ABCD3: variants seen among roughly 807,000 people sequenced by gnomAD.
ABCD3 encodes ATP-binding cassette sub-family D member 3.
In ABCD3, 41 loss-of-function variants were observed where a neutral mutation model predicts 105.5. The ratio of observed to expected loss-of-function variants is 0.39; its 90% CI spans 0.30 to 0.50. The LOEUF (loss-of-function observed/expected upper bound fraction) is 0.50, where lower values mean the gene tolerates loss of function less well. Ranked by LOEUF, ABCD3 falls within the 20% of genes least tolerant of loss-of-function variation. The probability of loss-of-function intolerance (pLI) is 0.84; values close to 1 mark genes in which losing one functional copy is unlikely to be tolerated. For missense variants in ABCD3, 622 were observed against 806.3 expected (o/e 0.77, Z 2.77); for synonymous variants, 258 against 269.0 (o/e 0.96, Z 0.40).
intron 8 of ABCD3, 117 bp from the exon 9 acceptor site, chr1:94,480,347 T>C (rs1448355020): frequency 1.9e-5 from 24 of 1,294,636 alleles, no homozygotes; most frequent in Non-Finnish European, 2.5e-5. Context: ...AATTACCCAG[T>C]AGGGCAATTT....
At chr1:94,397,166 C>T in the ABCD3 span, among the ~76,000 whole-genome samples, 1 of 152,166 alleles carries the variant, frequency 6.6e-6, no homozygotes, top group Non-Finnish European at 1.5e-5. Flanking sequence ...GCAGATAGTA[C>T]AGAGAATCCT....
At chr1:94,482,672 G>A (rs755347399) in intron 9 of ABCD3, 22 of 164,654 alleles carry the variant, frequency 1.3e-4, no homozygotes, top group South Asian at 3.2e-4. Flanking sequence ...GGGGTTCCAG[G>A]GTTTCCTCCT....
intron 21 of ABCD3, among the ~76,000 whole-genome samples, chr1:94,508,463 T>G (rs1650476482): frequency 6.6e-6 from 1 of 151,928 alleles, no homozygotes; most frequent in Non-Finnish European, 1.5e-5. Flanking sequence ...TAGGATTGAC[T>G]TGGCGATGCG....
At chr1:94,490,011 G>A (rs1424190804) in intron 15 of ABCD3, 36 bp downstream of exon 15, 2 of 1,562,166 alleles carry the variant, frequency 1.3e-6, no homozygotes, top group South Asian at 1.1e-5. Flanking sequence ...CACCATAAAT[G>A]TTTGTTAAAC....
At position 94,494,868 on chromosome 1, in the gene ABCD3, C is replaced by T. The variant is rs189983858; in HGVS notation, c.1386+3621C>T. ...CCAAGGTGGGCGGATTGCTTGAGCT[C>T]AGGAGTTTGAGGCCAGCCTGGGCAA... On this transcript the variant is annotated intron_variant, in intron 16 of 22. Transcript: ENST00000370214. 2.5e-4 allele frequency among the ~76,000 whole-genome samples: 38 copies of T among 152,172 alleles called. No homozygotes were observed. In the East Asian group the frequency reaches 6.8e-3, roughly 27 times the overall value.
chr1:94,448,242 A>C (rs1021732740), intron 1 of ABCD3, among the ~76,000 whole-genome samples: 1 of 152,202 alleles, frequency 6.6e-6, no homozygotes, highest in Non-Finnish European at 1.5e-5. Context: ...CATGGATATG[A>C]TCCTGGAAAA....
In ABCD3 at chr1:94,476,798, A is replaced by C. The variant is rs3737244; in HGVS notation, c.627+1061A>C. On this transcript the variant is annotated intron_variant, in intron 7 of 22. Coordinates refer to ENST00000370214, the MANE Select transcript of ABCD3 (RefSeq NM_002858.4). ...AGAAGCCTTTGCTAACTGATCCCAA[A>C]CTCGGGAACTCTGACAACTACAAAT... is the stretch of plus-strand genomic sequence containing the variant. Among the ~76,000 whole-genome samples, 4 of 151,942 alleles carry C rather than the reference A, an allele frequency of 2.6e-5. No individual in the cohort carries two copies. The East Asian group carries it at 7.8e-4, about 29-fold the overall frequency.
rs575184764 is a variant in ABCD3 at position 94,418,438 on chromosome 1, C to G, written c.-41C>G. On this transcript the variant is annotated 5_prime_UTR_variant, in exon 1 of 23. Coordinates refer to ENST00000370214, the MANE Select transcript of ABCD3 (RefSeq NM_002858.4). Reference sequence around the variant, plus strand: ...AGTAAGGTAGCCGCCGCCGCCGCCGCCGCCGCGTCCCCTCGCCGGCTCGCT... The same window carrying G: ...AGTAAGGTAGCCGCCGCCGCCGCCGGCGCCGCGTCCCCTCGCCGGCTCGCT... The G allele has an allele frequency of 1.7e-5, 27 of 1,547,248 alleles. No homozygotes were observed. The South Asian group carries it at 3.0e-4, about 17-fold the overall frequency.
chr1:94,418,766 C>T (rs1659128190), intron 1 of ABCD3, 178 bp downstream of exon 1: 1 of 659,466 alleles, frequency 1.5e-6, no homozygotes, highest in South Asian at 1.9e-5. Context: ...GCCACGACGG[C>T]GTCGGTCCCA....
chr1:94,410,171 A>G, the ABCD3 span, among the ~76,000 whole-genome samples: 3 of 152,308 alleles, frequency 2.0e-5, no homozygotes, highest in African/African-American at 7.2e-5. Flanking sequence ...TAAATATAAA[A>G]CTAATGCATG....
chr1:94,455,368 C>T (rs567609449), intron 1 of ABCD3, among the ~76,000 whole-genome samples: 3 of 151,242 alleles, frequency 2.0e-5, no homozygotes. Flanking sequence ...TCTTATTGCC[C>T]AGGCTGGAGT....
rs537286329 is a variant in ABCD3 at position 94,517,134 on chromosome 1, A to G, written c.*5A>G. 8.8e-6 allele frequency: 14 copies of G among 1,596,788 alleles called. No homozygotes were observed. The African/African-American group carries it at 1.1e-4, about 12-fold the overall frequency. On this transcript the variant is annotated 3_prime_UTR_variant, in exon 23 of 23. Coordinates refer to ENST00000370214, the MANE Select transcript of ABCD3 (RefSeq NM_002858.4). The stretch of plus-strand genomic sequence containing the variant: ...ACAGTTGAGTTTGGCTCTTAGAGAA[A>G]TCTGGAGAACTATACCTGCTTCAGT...
At position 94,480,618 on chromosome 1, in the gene ABCD3, T is replaced by A. The variant is rs182429529; in HGVS notation, c.827+12T>A. Reference sequence around the variant, plus strand: ...CTCATCACAAACAGGTAAAGACAAATGCATTAAAGCCTTGCTAAAAATTAA... The same window carrying A: ...CTCATCACAAACAGGTAAAGACAAAAGCATTAAAGCCTTGCTAAAAATTAA... On this transcript the variant is annotated intron_variant, in intron 9 of 22. Coordinates refer to ENST00000370214, the MANE Select transcript of ABCD3 (RefSeq NM_002858.4). The A allele has an allele frequency of 1.7e-5, 27 of 1,613,380 alleles. No homozygotes were observed. The African/African-American group carries it at 3.1e-4, about 18-fold the overall frequency.
chr1:94,440,125 T>G (rs1660078342), intron 1 of ABCD3, among the ~76,000 whole-genome samples: 1 of 152,238 alleles, frequency 6.6e-6, no homozygotes, highest in South Asian at 2.1e-4. Flanking sequence ...ATGCTTTCAT[T>G]GTCTGTAGGG....
chr1:94,455,956 A>G (rs1647533772), intron 1 of ABCD3, among the ~76,000 whole-genome samples: 1 of 151,900 alleles, frequency 6.6e-6, no homozygotes, highest in Admixed American at 6.6e-5. Context: ...TTTTATGTTG[A>G]TATACATATA....
At position 94,518,613 on chromosome 1, in the gene ABCD3, A is replaced by G. The variant is rs531473690; in HGVS notation, c.*1484A>G. The G allele has an allele frequency of 1.3e-5, 2 of 152,288 alleles. No individual in the cohort carries two copies. Among genetic ancestry groups the G allele is most frequent in the South Asian group, 2.1e-4 (1 of 4,824 alleles). 9.4% of individuals were successfully genotyped at this position (152,288 alleles called of 1,614,324 possible). A position where few individuals can be genotyped will look rare whatever the true frequency, so the allele number is the denominator to read the frequency against. ...TCAGCCTTGACTTGAAAACATAGAT[A>G]GTTTAATCTTGACTTGAAAAACACA... On this transcript the variant is annotated 3_prime_UTR_variant, in exon 23 of 23. Coordinates refer to ENST00000370214, the MANE Select transcript of ABCD3 (RefSeq NM_002858.4).
the ABCD3 span, chr1:94,406,510 C>A: frequency 5.1e-6 from 2 of 394,520 alleles, no homozygotes; most frequent in South Asian, 4.3e-5. Context: ...ATCCAGGTAC[C>A]TTTCTCTTTG....
chr1:94,499,935 G>A (rs1327398264), intron 20 of ABCD3, among the ~76,000 whole-genome samples: 1 of 152,104 alleles, frequency 6.6e-6, no homozygotes, highest in Non-Finnish European at 1.5e-5. Flanking sequence ...GCTGGGTTAT[G>A]AAATTTCTTC....
At chr1:94,402,648 C>A in the ABCD3 span, among the ~76,000 whole-genome samples, 2 of 152,162 alleles carry the variant, frequency 1.3e-5, no homozygotes, top group Non-Finnish European at 2.9e-5. Flanking sequence ...ACGTCCTCTA[C>A]CCCCTTCACG....
Sources: allele counts gnomAD v4.1 joint callset (sites outside exome capture counted in the v4.1 genomes callset), GRCh38; gene constraint gnomAD v4.1.1; transcripts MANE v1.5; gene names NCBI Gene and HGNC (gene_info 2026-07-23, HGNC 2026-07-21).